Variants in TNRC18 observed in about 807,000 individuals in gnomAD.
The protein encoded by TNRC18 is trinucleotide repeat-containing gene 18 protein.
Under a neutral mutation model 226.7 loss-of-function variants are expected in TNRC18, and 69 were observed. The observed-to-expected ratio is 0.30, with a 90% CI of 0.25 to 0.37. The LOEUF (loss-of-function observed/expected upper bound fraction) is 0.37. TNRC18 is among the 10% of genes least tolerant of loss of function. The probability of loss-of-function intolerance (pLI) is 1.00; values close to 1 mark genes in which losing one functional copy is unlikely to be tolerated. For synonymous variants in TNRC18, 2,449 were observed against 1,927.6 expected (o/e 1.27, Z -7.09); for missense variants, 4,754 against 4,256.6 (o/e 1.12, Z -3.25).
intron 2 of TNRC18, among the ~76,000 whole-genome samples, chr7:5,406,019 C>A (rs1251243267): frequency 1.3e-5 from 2 of 152,198 alleles, no homozygotes; most frequent in Non-Finnish European, 2.9e-5. Flanking sequence ...AAGAACCCAG[C>A]TGTCCATCTA....
intron 22 of TNRC18, among the ~76,000 whole-genome samples, 158 bp downstream of exon 22, chr7:5,320,915 G>C (rs2128113083): frequency 6.6e-6 from 1 of 152,362 alleles, no homozygotes; most frequent in East Asian, 1.9e-4. Context: ...AAAGTGCCCA[G>C]GGCCTCCCCG....
intron 16 of TNRC18, among the ~76,000 whole-genome samples, chr7:5,354,924 C>T (rs113177437): frequency 0.017 from 2,528 of 152,336 alleles, 70 homozygotes; most frequent in African/African-American, 0.058. Context: ...TCAATAAACA[C>T]GGCGACTTTT....
intron 2 of TNRC18, among the ~76,000 whole-genome samples, chr7:5,417,515 T>C (rs1303609130): frequency 6.6e-6 from 1 of 152,136 alleles, no homozygotes; most frequent in Non-Finnish European, 1.5e-5. Flanking sequence ...CTTCTCGGAT[T>C]TGTGTGTTCA....
Position 5,388,485 on chromosome 7 carries a change from C to G in TNRC18, c.1339G>C (p.Val447Leu), listed in dbSNP as rs1467602642. 39 of 1,368,854 alleles carry G rather than the reference C, an allele frequency of 2.8e-5. No homozygotes were observed. Among genetic ancestry groups the G allele is most frequent in the Non-Finnish European group, 3.7e-5 (39 of 1,068,486 alleles). The allele number at this position is 1,368,854 out of a possible 1,614,324, so 84.8% of individuals were successfully genotyped here. A position where few individuals can be genotyped will look rare whatever the true frequency, so the allele number is the denominator to read the frequency against. Residue 447 changes from valine to leucine, a missense_variant, in exon 5 of 30, where the codon GTG becomes CTG. Transcript: ENST00000430969. ...TCCGGGGAGGCGCGTGTGGCCCGCA[C>G]CGTGGGGGCATCCGCGGGGGGCGGC... ...KRPPPADAPTVRATRASPDPR... is the reference protein window; with the variant it reads ...KRPPPADAPTLRATRASPDPR...
chr7:5,357,015 C>T lies in TNRC18; in HGVS notation c.5095G>A (p.Ala1699Thr), dbSNP rs1416746827. The T allele has an allele frequency of 2.6e-6, 4 of 1,552,328 alleles. No individual in the cohort carries two copies. Among genetic ancestry groups the T allele is most frequent in the African/African-American group, 1.4e-5 (1 of 73,194 alleles). Residue 1699 changes from alanine (A) to threonine (T), a missense_variant, in exon 16 of 30, where the codon GCA becomes ACA. Physicochemically the swap from Ala to Thr is moderately conservative, Grantham distance 58. Coordinates refer to ENST00000430969, the MANE Select transcript of TNRC18 (RefSeq NM_001080495.3). ...ACCTCCATCTTCCTGGTTTTGGCTG[C>T]CCTTTTGTGTTTACCTTCTCTGGAG... is the stretch of plus-strand genomic sequence containing the variant. ...KSSREGKHKR[A>T]AKTRKMEVGF...
chr7:5,328,323 G>A lies in TNRC18; in HGVS notation c.6148-3075C>T, dbSNP rs556260428. 3.9e-5 allele frequency among the ~76,000 whole-genome samples: 6 copies of A among 152,240 alleles called. No homozygotes were observed. In the East Asian group the frequency reaches 1.2e-3, roughly 29 times the overall value. ...GGACTGCTTGAGCCCAGGAGTTCAA[G>A]ACCATCCTGGGCAACATAAGGAGAC... On this transcript the variant is annotated intron_variant, in intron 19 of 29. Coordinates refer to ENST00000430969, the MANE Select transcript of TNRC18 (RefSeq NM_001080495.3).
At position 5,333,183 on chromosome 7, in the gene TNRC18, G is replaced by C. The variant is rs139327709; in HGVS notation, c.5720-134C>G. On this transcript the variant is annotated intron_variant, in intron 18 of 29. Coordinates refer to ENST00000430969, the MANE Select transcript of TNRC18 (RefSeq NM_001080495.3). ...AGCGCTTCTGCCCGTTTCCAGGAGA[G>C]GAAACTGAGGCCCAGAGGAGAAAGA... The C allele has an allele frequency of 2.4e-3, 2,469 of 1,034,324 alleles. 34 individuals are homozygous for C. The African/African-American group carries it at 0.034, about 14-fold the overall frequency. 64.1% of individuals were successfully genotyped at this position (1,034,324 alleles called of 1,614,324 possible).
chr7:5,361,887 A>G lies in TNRC18; in HGVS notation c.4532+10T>C. 6.5e-7 allele frequency: 1 copy of G among 1,546,738 alleles called. No individual in the cohort carries two copies. Among genetic ancestry groups the G allele is most frequent in the Non-Finnish European group, 8.7e-7 (1 of 1,147,442 alleles). On this transcript the variant is annotated intron_variant, in intron 13 of 29. Transcript: ENST00000430969. ...AGGGGCCCCACGGGGCGGGCGGGGG[A>G]CACACTCACTCGGAGTCCCGGCGGC...
chr7:5,337,808 C>A (rs1205348175), intron 18 of TNRC18, among the ~76,000 whole-genome samples: 1 of 151,912 alleles, frequency 6.6e-6, no homozygotes, highest in Non-Finnish European at 1.5e-5. Context: ...GATGGTGAAA[C>A]CCCATCTCTA....
intron 21 of TNRC18, among the ~76,000 whole-genome samples, chr7:5,322,839 C>A (rs1194156879): frequency 6.6e-6 from 1 of 152,226 alleles, no homozygotes; most frequent in African/African-American, 2.4e-5. Flanking sequence ...CCCTGCTGTG[C>A]CTGCCTGTGG....
intron 2 of TNRC18, among the ~76,000 whole-genome samples, chr7:5,411,336 G>A (rs1272321468): frequency 6.6e-6 from 1 of 151,566 alleles, no homozygotes; most frequent in Non-Finnish European, 1.5e-5. Flanking sequence ...AATATGGAAG[G>A]TGATGTTGCA....
chr7:5,327,339 TG>T (rs890166658), intron 19 of TNRC18, among the ~76,000 whole-genome samples: 5 of 151,868 alleles, frequency 3.3e-5, no homozygotes, highest in African/African-American at 7.3e-5. Context: ...ATCCCCATTT[TG>T]GGGGGGAAAA....
rs191595043 is a variant in TNRC18, at chr7:5,377,714, C to A, written c.2256-138G>T. 43 of 1,097,166 alleles carry A rather than the reference C, an allele frequency of 3.9e-5. No homozygotes were observed. The African/African-American group carries it at 6.6e-4, about 17-fold the overall frequency. The allele number at this position is 1,097,166 out of a possible 1,614,324, so 68.0% of individuals were successfully genotyped here. ...CACTGCTCGGAACTGAAGGGCCTCC[C>A]GGGGCCTTCCACACTCACTGTAGGG... On this transcript the variant is annotated intron_variant, in intron 6 of 29. Coordinates refer to ENST00000430969, the MANE Select transcript of TNRC18 (RefSeq NM_001080495.3). This position sits in a 1 kb window ranked among gnomAD's most constrained non-coding sequence, Gnocchi z 5.8.
chr7:5,416,483 G>A (rs182175439), intron 2 of TNRC18, among the ~76,000 whole-genome samples: 13 of 152,342 alleles, frequency 8.5e-5, no homozygotes, highest in South Asian at 2.1e-4. Flanking sequence ...CTACTCGGGC[G>A]GCTGAGGCAG....
chr7:5,354,612 CCAAT>C (rs1792152178), intron 16 of TNRC18, among the ~76,000 whole-genome samples: 1 of 152,044 alleles, frequency 6.6e-6, no homozygotes. Flanking sequence ...CACACCCATC[CCAAT>C]CAAAGAAGCA....
intron 17 of TNRC18, among the ~76,000 whole-genome samples, chr7:5,347,500 C>G (rs112666765): frequency 6.6e-5 from 10 of 151,270 alleles, no homozygotes; most frequent in South Asian, 2.1e-4. Context: ...CCAGCCCCCC[C>G]GCAAAAATTT....
At chr7:5,416,597 T>C (rs1026535877) in intron 2 of TNRC18, among the ~76,000 whole-genome samples, 1 of 151,444 alleles carries the variant, frequency 6.6e-6, no homozygotes, top group African/African-American at 2.4e-5. Flanking sequence ...GGCTCATGCC[T>C]GTAATCCCAG....
chr7:5,407,548 G>A (rs760427266), intron 2 of TNRC18, among the ~76,000 whole-genome samples: 11 of 152,220 alleles, frequency 7.2e-5, no homozygotes, highest in Admixed American at 4.6e-4. Context: ...AGCACCAGCC[G>A]GCAATTCTGG....
intron 26 of TNRC18, among the ~76,000 whole-genome samples, chr7:5,314,435 T>C (rs1165427302): frequency 6.6e-6 from 1 of 152,160 alleles, no homozygotes; most frequent in Non-Finnish European, 1.5e-5. Flanking sequence ...CTCTGGATTC[T>C]GGAAAGAAAC....
Sources: allele counts gnomAD v4.1 joint callset (sites outside exome capture counted in the v4.1 genomes callset), GRCh38; gene constraint gnomAD v4.1.1; non-coding constraint Gnocchi (gnomAD v3.1); transcripts MANE v1.5; gene names NCBI Gene and HGNC (gene_info 2026-07-23, HGNC 2026-07-21).